The following ARHGEF38 variants were observed in gnomAD, a reference collection of about 807,000 sequenced individuals.
ARHGEF38 encodes Rho guanine nucleotide exchange factor (GEF) 38.
A neutral mutation model predicts 79.9 loss-of-function variants in ARHGEF38; 79 were observed. The ratio of observed to expected loss-of-function variants is 0.99; its 90% confidence interval spans 0.82 to 1.19. ARHGEF38 has a LOEUF of 1.19. Among genes scored for constraint, ARHGEF38 ranks in the 50% most tolerant of loss-of-function variants. The pLI, the probability that ARHGEF38 is intolerant of heterozygous loss-of-function variation, is 0.00. For synonymous variants in ARHGEF38, 366 were observed against 328.3 expected (o/e 1.11, Z -1.24); for missense variants, 962 against 907.2 (o/e 1.06, Z -0.78).
intron 2 of ARHGEF38, among the ~76,000 whole-genome samples, chr4:105,610,009 A>G (rs1333178023): frequency 6.6e-6 from 1 of 152,170 alleles, no homozygotes; most frequent in Non-Finnish European, 1.5e-5. Context: ...CATATACACC[A>G]CGGAATACTA....
chr4:105,633,471 C>T (rs755482437), intron 4 of ARHGEF38, among the ~76,000 whole-genome samples: 7 of 152,184 alleles, frequency 4.6e-5, no homozygotes, highest in Non-Finnish European at 1.0e-4. Context: ...AAAGCTATTA[C>T]TGTCACTCTG....
At chr4:105,557,628 T>G (rs1360497713) in intron 1 of ARHGEF38, among the ~76,000 whole-genome samples, 2 of 149,870 alleles carry the variant, frequency 1.3e-5, no homozygotes, top group East Asian at 3.9e-4. Context: ...AAGAGAGAGC[T>G]TGCTTCTCTC....
intron 10 of ARHGEF38, among the ~76,000 whole-genome samples, chr4:105,664,764 G>C (rs1303645903): frequency 6.6e-6 from 1 of 152,192 alleles, no homozygotes; most frequent in Non-Finnish European, 1.5e-5. Context: ...CAACATCTAG[G>C]TTCAAAGAAA....
At chr4:105,604,167 A>C (rs1727942272) in intron 2 of ARHGEF38, among the ~76,000 whole-genome samples, 1 of 152,134 alleles carries the variant, frequency 6.6e-6, no homozygotes. Context: ...AGAAGAACTG[A>C]CTTCATGTGT....
chr4:105,588,631 A>T (rs1158208274), intron 1 of ARHGEF38, among the ~76,000 whole-genome samples: 2 of 152,268 alleles, frequency 1.3e-5, no homozygotes, highest in Non-Finnish European at 2.9e-5. Flanking sequence ...CGACAGTTCA[A>T]GAATTTTGAA....
intron 7 of ARHGEF38, among the ~76,000 whole-genome samples, chr4:105,652,507 C>A (rs1448881438): frequency 1.3e-5 from 2 of 152,050 alleles, no homozygotes; most frequent in Admixed American, 1.3e-4. Context: ...TTGAACTAGT[C>A]CTTAAAAATA....
rs1730802547 is a variant in ARHGEF38, at chr4:105,667,649, A to G, written c.2094A>G (p.Gly698=). The change falls in exon 13 of 14, where the codon GGA becomes GGG. Residue 698 remains glycine, a synonymous_variant. Transcript: ENST00000420470. ...DSSSSLSGTC[G]KFETNGTDVD... is the part of the protein sequence containing the mutation. Reference sequence around the variant, plus strand: ...GCTCATCTCTTAGTGGCACATGTGGAAAGTTTGAAACAAATGGTACTGATG... The same window carrying G: ...GCTCATCTCTTAGTGGCACATGTGGGAAGTTTGAAACAAATGGTACTGATG... 1 of 1,536,518 alleles carries G rather than the reference A, an allele frequency of 6.5e-7. No homozygotes were observed. The highest frequency in any genetic ancestry group is 2.4e-5 in the East Asian group (1 of 40,924).
chr4:105,651,405 T>G (rs1318963183), intron 7 of ARHGEF38, among the ~76,000 whole-genome samples: 1 of 152,228 alleles, frequency 6.6e-6, no homozygotes, highest in Non-Finnish European at 1.5e-5. Context: ...AGGAAGATTC[T>G]ATTCAATTCA....
Position 105,552,665 on chromosome 4 carries a change from G to A in ARHGEF38, c.-101G>A. On this transcript the variant is annotated 5_prime_UTR_variant, in exon 1 of 14. Transcript: ENST00000420470. Reference sequence around the variant, plus strand: ...GGAGTGAAGCGGTTTAGTTAGAAGGGAGCAGATAAACTCGTCACTCTAGTA... The same window carrying A: ...GGAGTGAAGCGGTTTAGTTAGAAGGAAGCAGATAAACTCGTCACTCTAGTA... 2 of 935,858 alleles carry A rather than the reference G, an allele frequency of 2.1e-6. No individual in the cohort carries two copies. Among genetic ancestry groups the A allele is most frequent in the Non-Finnish European group, 3.2e-6 (2 of 632,614 alleles). The allele number at this position is 935,858 out of a possible 1,614,324, so 58.0% of individuals were successfully genotyped here. A position where few individuals can be genotyped will look rare whatever the true frequency, so the allele number is the denominator to read the frequency against.
chr4:105,648,762 G>A (rs1729962524), intron 7 of ARHGEF38, 80 bp downstream of exon 7: 3 of 1,376,994 alleles, frequency 2.2e-6, no homozygotes, highest in South Asian at 3.1e-5. Context: ...GTTTTGTGAG[G>A]ACTATTTCTA....
At chr4:105,638,011 C>T (rs1349027757) in intron 5 of ARHGEF38, among the ~76,000 whole-genome samples, 1 of 152,120 alleles carries the variant, frequency 6.6e-6, no homozygotes, top group Non-Finnish European at 1.5e-5. Flanking sequence ...TATTTTCCTT[C>T]CTGTTCCTTT....
chr4:105,563,394 A>G (rs1725732412), intron 1 of ARHGEF38: 1 of 152,220 alleles, frequency 6.6e-6, no homozygotes, highest in East Asian at 1.9e-4. Context: ...GTATTTGGGG[A>G]TTTCTAAATG....
At chr4:105,654,235 G>A (rs1730231703) in intron 8 of ARHGEF38, 66 bp downstream of exon 8, 4 of 993,616 alleles carry the variant, frequency 4.0e-6, no homozygotes, top group Non-Finnish European at 5.6e-6. Flanking sequence ...TGATTTCCAT[G>A]GTTGTTTTGA....
rs3056772 is a variant in ARHGEF38 at position 105,575,013 on chromosome 4, TACAC to T, written c.197-14214_197-14211del. On this transcript the variant is annotated intron_variant, in intron 1 of 13. Transcript: ENST00000420470. Reference sequence around the variant, plus strand: ...ATGTACACACATACACACACATATATACACACACACACACACACACACACCATAT... The same window carrying T: ...ATGTACACACATACACACACATATATACACACACACACACACACACCATAT... Among the ~76,000 whole-genome samples, 1,056 of 149,140 alleles carry T rather than the reference TACAC, an allele frequency of 7.1e-3. 8 individuals carry two copies. Among genetic ancestry groups the T allele is most frequent in the African/African-American group, 0.017 (697 of 40,648 alleles).
chr4:105,650,513 C>T (rs1653440407), intron 7 of ARHGEF38, among the ~76,000 whole-genome samples: 1 of 152,144 alleles, frequency 6.6e-6, no homozygotes, highest in Middle Eastern at 3.2e-3. Context: ...ACTCTTTACT[C>T]TGCCCCTGCC....
At chr4:105,655,573 C>CT in intron 8 of ARHGEF38, 30 bp from the exon 9 acceptor site, 6 of 1,532,184 alleles carry the variant, frequency 3.9e-6, no homozygotes, top group Non-Finnish European at 4.4e-6. Flanking sequence ...CAAAACTTGC[C>CT]TTTTTTGTAA....
chr4:105,599,085 G>A (rs1727709549), intron 2 of ARHGEF38, among the ~76,000 whole-genome samples: 1 of 152,172 alleles, frequency 6.6e-6, no homozygotes, highest in South Asian at 2.1e-4. Flanking sequence ...TTCAGATTTA[G>A]TTGGGTATGA....
At chr4:105,664,464 G>A (rs920025269) in intron 10 of ARHGEF38, among the ~76,000 whole-genome samples, 2 of 152,106 alleles carry the variant, frequency 1.3e-5, no homozygotes, top group African/African-American at 4.8e-5. Context: ...TACGAAAAAT[G>A]AGGATTTAGC....
At chr4:105,637,453 A>C (rs140182702) in intron 5 of ARHGEF38, among the ~76,000 whole-genome samples, 37 of 152,228 alleles carry the variant, frequency 2.4e-4, no homozygotes, top group Admixed American at 1.8e-3. Flanking sequence ...ACTATCCGAC[A>C]GTATAAACAG....
Sources: gnomAD v4.1 joint callset for allele counts (sites outside exome capture counted in the v4.1 genomes callset) on GRCh38, gnomAD v4.1.1 for gene constraint, MANE v1.5 for transcripts, NCBI Gene and HGNC (gene_info 2026-07-23, HGNC 2026-07-21) for gene names.